The following PRMT8 variants were observed in gnomAD, a reference collection of about 807,000 sequenced individuals.
The protein encoded by PRMT8 is protein arginine N-methyltransferase 8.
PRMT8 carries 7 observed loss-of-function variants against 47.1 expected under a neutral mutation model. That is an observed-to-expected ratio of 0.15 (90% CI 0.08 to 0.28). PRMT8 has a LOEUF of 0.28. PRMT8 is among the 10% of genes least tolerant of loss of function. The pLI is 1.00. For synonymous variants in PRMT8, 188 were observed against 186.5 expected (o/e 1.01, Z -0.07); for missense variants, 237 against 505.4 (o/e 0.47, Z 5.09).
At position 3,508,312 on chromosome 12, in the gene PRMT8, A is replaced by G. The variant is rs1865661735; in HGVS notation, c.75+16612A>G. Among the ~76,000 whole-genome samples, 1 of 152,192 alleles carries G rather than the reference A, an allele frequency of 6.6e-6. No individual in the cohort carries two copies. Among genetic ancestry groups the G allele is most frequent in the African/African-American group, 2.4e-5 (1 of 41,428 alleles). ...GGGGATATGTACACGCTTCTGAGTCAGTAGGTGCGTCATGCAGGAGAACAT... is the reference window on the plus strand; with the variant it reads ...GGGGATATGTACACGCTTCTGAGTCGGTAGGTGCGTCATGCAGGAGAACAT... On this transcript the variant is annotated intron_variant, in intron 1 of 9. Transcript: ENST00000382622. This position sits in a 1 kb window ranked among gnomAD's most constrained non-coding sequence, Gnocchi z 4.9.
chr12:3,550,064 C>T lies in PRMT8; in HGVS notation c.390C>T (p.Ala130=), dbSNP rs1192232472. Residue 130 remains alanine, a synonymous_variant, in exon 3 of 10, where the codon GCC becomes GCT. Coordinates refer to ENST00000382622, the MANE Select transcript of PRMT8 (RefSeq NM_019854.5). The surrounding 1 kb of genome is among the most constrained non-coding windows in gnomAD (Gnocchi z 5.1). ...CTGGGATCCTTTCCATGTTCGCTGCCAAGGCAGGGGCCAAGAAGGTGTTTG... is the reference window on the plus strand; with the variant it reads ...CTGGGATCCTTTCCATGTTCGCTGCTAAGGCAGGGGCCAAGAAGGTGTTTG... ...SGTGILSMFA[A]KAGAKKVFGI... is the part of the protein sequence containing the mutation. 5 of 1,614,192 alleles carry T rather than the reference C, an allele frequency of 3.1e-6. No homozygotes were observed. The highest frequency in any genetic ancestry group is 1.3e-5 in the African/African-American group (1 of 75,056).
intron 1 of PRMT8, among the ~76,000 whole-genome samples, chr12:3,393,116 A>C (rs554281589): frequency 1.2e-4 from 18 of 152,032 alleles, no homozygotes; most frequent in African/African-American, 2.7e-4. Context: ...GATATTAGCC[A>C]TTTGTCAGAT....
At chr12:3,489,829 A>G (rs889850352), upstream of PRMT8, among the ~76,000 whole-genome samples, 25 of 132,300 alleles carry the variant, frequency 1.9e-4, no homozygotes, top group African/African-American at 4.7e-4. Flanking sequence ...ACACACACAC[A>G]CACACGCGCG....
At chr12:3,448,895 G>A (rs1864887142) in intron 1 of PRMT8, among the ~76,000 whole-genome samples, 1 of 151,848 alleles carries the variant, frequency 6.6e-6, no homozygotes, top group Non-Finnish European at 1.5e-5. Flanking sequence ...CCTTCTCCTT[G>A]CACCCCCATA....
intron 1 of PRMT8, among the ~76,000 whole-genome samples, chr12:3,437,152 G>A (rs537380975): frequency 1.3e-5 from 2 of 152,104 alleles, no homozygotes; most frequent in South Asian, 4.2e-4. Flanking sequence ...ACAAGTTTTT[G>A]ATGCTTCTAG....
intron 1 of PRMT8, among the ~76,000 whole-genome samples, chr12:3,405,593 G>C (rs1864364814): frequency 2.0e-5 from 3 of 152,230 alleles, no homozygotes; most frequent in Admixed American, 6.5e-5. Flanking sequence ...TACAGGCTTT[G>C]GGTAAATTCA....
rs1419716846 is a variant in PRMT8, at chr12:3,493,133, G to A, written c.75+1433G>A. ...TCAAAACAAACACGCTCCGGGACTT[G>A]AACGCAGCGGGGCATTCAGTAGCGA... On this transcript the variant is annotated intron_variant, in intron 1 of 9. Coordinates refer to ENST00000382622, the MANE Select transcript of PRMT8 (RefSeq NM_019854.5). This position sits in a 1 kb window ranked among gnomAD's most constrained non-coding sequence, Gnocchi z 8.2. Among the ~76,000 whole-genome samples, 1 of 152,198 alleles carries A rather than the reference G, an allele frequency of 6.6e-6. No homozygotes were observed. The highest frequency in any genetic ancestry group is 2.4e-5 in the African/African-American group (1 of 41,460).
At chr12:3,446,901 A>C (rs1215966168) in intron 1 of PRMT8, among the ~76,000 whole-genome samples, 1 of 152,170 alleles carries the variant, frequency 6.6e-6, no homozygotes, top group Non-Finnish European at 1.5e-5. Flanking sequence ...CAAAATAAAC[A>C]TTCAACCACC....
At position 3,564,238 on chromosome 12, in the gene PRMT8, C is replaced by A. The variant is rs188611802; in HGVS notation, c.482-4468C>A. Reference sequence around the variant, plus strand: ...GGCTTCATAGGCTCATAATATGTTCCCATGCCTGTGACCCTCATGCCTCCT... The same window carrying A: ...GGCTTCATAGGCTCATAATATGTTCACATGCCTGTGACCCTCATGCCTCCT... On this transcript the variant is annotated intron_variant, in intron 4 of 9. Coordinates refer to ENST00000382622, the MANE Select transcript of PRMT8 (RefSeq NM_019854.5). The surrounding 1 kb of genome is among the most constrained non-coding windows in gnomAD (Gnocchi z 4.0). 5.3e-5 allele frequency among the ~76,000 whole-genome samples: 8 copies of A among 152,198 alleles called. No individual in the cohort carries two copies. In the East Asian group the frequency reaches 1.2e-3, roughly 22 times the overall value.
chr12:3,432,613 C>T (rs1443804381), intron 1 of PRMT8, among the ~76,000 whole-genome samples: 1 of 151,746 alleles, frequency 6.6e-6, no homozygotes, highest in Non-Finnish European at 1.5e-5. Flanking sequence ...GGCTGGAAAG[C>T]AGCAACAGGA....
At chr12:3,586,702 A>G (rs1370589319) in intron 8 of PRMT8, among the ~76,000 whole-genome samples, 2 of 152,188 alleles carry the variant, frequency 1.3e-5, no homozygotes, top group Non-Finnish European at 2.9e-5. Flanking sequence ...ATTGCGATGC[A>G]TGCTCCAGCT....
intron 1 of PRMT8, among the ~76,000 whole-genome samples, chr12:3,420,035 CAGAGAGAGAGAGAG>C (rs145716727): frequency 7.6e-6 from 1 of 131,886 alleles, no homozygotes; most frequent in South Asian, 2.6e-4. Flanking sequence ...GAGAGACAGA[CAGAGAGAGAGAGAG>C]AGAGAGAGAG....
chr12:3,540,933 C>T (rs1197560048), intron 2 of PRMT8, 142 bp downstream of exon 2: 1 of 1,043,310 alleles, frequency 9.6e-7, no homozygotes, highest in African/African-American at 1.6e-5. Flanking sequence ...ACCCTTTCTC[C>T]AATCCGGGGG....
Position 3,583,106 on chromosome 12 carries a change from G to C in PRMT8, c.877G>C (p.Ala293Pro). 1 of 1,614,096 alleles carries C rather than the reference G, an allele frequency of 6.2e-7. No homozygotes were observed. The highest frequency in any genetic ancestry group is 8.5e-7 in the Non-Finnish European group (1 of 1,180,012). Residue 293 changes from alanine to proline, a missense_variant, in exon 8 of 10, where the codon GCA (alanine) becomes CCA (proline). This residue lies in a region of PRMT8 where 151 missense variants were observed against 341.1 expected (regional missense o/e 0.44). Coordinates refer to ENST00000382622, the MANE Select transcript of PRMT8 (RefSeq NM_019854.5). The surrounding 1 kb of genome is among the most constrained non-coding windows in gnomAD (Gnocchi z 4.7). ...VKTEELSFTSAFCLQIQRNDY... is the reference protein window; with the variant it reads ...VKTEELSFTSPFCLQIQRNDY... ...GACGGAAGAGCTATCGTTCACATCT[G>C]CATTCTGCCTGCAGATACAGCGCAA...
At chr12:3,479,347 T>C (rs771402483) in intron 1 of PRMT8, among the ~76,000 whole-genome samples, 1 of 152,226 alleles carries the variant, frequency 6.6e-6, no homozygotes, top group Non-Finnish European at 1.5e-5. Context: ...TTTTCCGCCA[T>C]TGCCCCTTGG....
At position 3,552,621 on chromosome 12, in the gene PRMT8, G is replaced by A. The variant is rs966646351; in HGVS notation, c.418-1030G>A. The A allele has an allele frequency of 4.2e-5, 17 of 409,258 alleles. No homozygotes were observed. The highest frequency in any genetic ancestry group is 8.5e-5 in the Non-Finnish European group (17 of 201,156). The allele number at this position is 409,258 out of a possible 1,614,324, so 25.4% of individuals were successfully genotyped here. A position where few individuals can be genotyped will look rare whatever the true frequency, so the allele number is the denominator to read the frequency against. ...GGACCTGGCAGCCCAGGAAAGGGCT[G>A]GTTCTCCTGGGACCTGCACCCTGGC... On this transcript the variant is annotated intron_variant, in intron 3 of 9. Transcript: ENST00000382622. This position sits in a 1 kb window ranked among gnomAD's most constrained non-coding sequence, Gnocchi z 4.5.
At chr12:3,432,121 A>G (rs942008113) in intron 1 of PRMT8, among the ~76,000 whole-genome samples, 7 of 152,144 alleles carry the variant, frequency 4.6e-5, no homozygotes, top group Admixed American at 4.6e-4. Flanking sequence ...GCCCGAGTTG[A>G]AGTGGAAGAC....
chr12:3,441,430 A>G (rs1009361976), intron 1 of PRMT8, among the ~76,000 whole-genome samples: 5 of 152,126 alleles, frequency 3.3e-5, no homozygotes, highest in Admixed American at 3.3e-4. Context: ...AGAGGAGCCA[A>G]CCTCCCCTTC....
chr12:3,586,144 A>G (rs1419250128), intron 8 of PRMT8, among the ~76,000 whole-genome samples: 1 of 152,156 alleles, frequency 6.6e-6, no homozygotes, highest in Admixed American at 6.5e-5. Flanking sequence ...TAGTCTCCAA[A>G]GTCAAGCAGA....
Sources: gnomAD v4.1 joint callset for allele counts (sites outside exome capture counted in the v4.1 genomes callset) on GRCh38, gnomAD v4.1.1 for gene constraint, gnomAD v4.1.1 regional missense constraint, Gnocchi (gnomAD v3.1) non-coding constraint, MANE v1.5 for transcripts, NCBI Gene and HGNC (gene_info 2026-07-23, HGNC 2026-07-21) for gene names.